PDCD6: variants seen among roughly 807,000 people sequenced by gnomAD.
PDCD6 encodes the protein programmed cell death protein 6.
Under a neutral mutation model 28.3 loss-of-function variants are expected in PDCD6, and 12 were observed. The ratio of observed to expected loss-of-function variants is 0.42; its 90% CI spans 0.27 to 0.69. The LOEUF is 0.69. PDCD6 is among the 30% of genes least tolerant of loss of function. The pLI, the probability that PDCD6 is intolerant of heterozygous loss-of-function variation, is 0.22. For synonymous variants in PDCD6, 92 were observed against 108.0 expected, an observed-to-expected ratio of 0.85 and a Z score of 0.92; for missense variants, 226 against 269.9, an observed-to-expected ratio of 0.84 and a Z score of 1.14.
rs1380190290 is a variant in PDCD6 at position 276,397 on chromosome 5, A to G, written c.163+3625A>G. ...GAAGGAAGGTTCATAGTTGTGTTGTATGTACAGGCACACAAAATTTGTCCT... is the reference window on the plus strand; with the variant it reads ...GAAGGAAGGTTCATAGTTGTGTTGTGTGTACAGGCACACAAAATTTGTCCT... On this transcript the variant is annotated intron_variant, in intron 2 of 5. Transcript: ENST00000264933. The G allele has an allele frequency of 2.3e-5, 23 of 998,034 alleles. No individual in the cohort carries two copies. In the South Asian group the frequency reaches 6.8e-4, roughly 29 times the overall value. The allele number at this position is 998,034 out of a possible 1,614,324, so 61.8% of individuals were successfully genotyped here. A position where few individuals can be genotyped will look rare whatever the true frequency, so the allele number is the denominator to read the frequency against.
At chr5:310,536 A>C (rs1456921681) in intron 4 of PDCD6, 1 of 152,332 alleles carries the variant, frequency 6.6e-6, no homozygotes, top group Admixed American at 6.5e-5. Flanking sequence ...CGAGGGAGGG[A>C]AGGGAAGGCG....
intron 2 of PDCD6, among the ~76,000 whole-genome samples, chr5:296,375 C>G (rs190916321): frequency 9.9e-5 from 15 of 152,256 alleles, no homozygotes; most frequent in African/African-American, 3.6e-4. Context: ...GGGAGCTGTT[C>G]ACGCCCCACG....
chr5:271,647 G>A lies in PDCD6; in HGVS notation c.-74G>A. 2.4e-6 allele frequency: 2 copies of A among 849,912 alleles called. No homozygotes were observed. Among genetic ancestry groups the A allele is most frequent in the Non-Finnish European group, 3.8e-6 (2 of 524,656 alleles). 52.6% of individuals were successfully genotyped at this position (849,912 alleles called of 1,614,324 possible). On this transcript the variant is annotated 5_prime_UTR_variant, in exon 1 of 6. Coordinates refer to ENST00000264933, the MANE Select transcript of PDCD6 (RefSeq NM_013232.4). The stretch of plus-strand genomic sequence containing the variant: ...ATAATGCCAGGCCCTGCCCCCGGCA[G>A]AGGCGGAAGCGGAGTCGGCCTGAGA...
chr5:303,751 G>T (rs1278098787), intron 2 of PDCD6, among the ~76,000 whole-genome samples: 2 of 149,544 alleles, frequency 1.3e-5, no homozygotes, highest in Non-Finnish European at 2.9e-5. Flanking sequence ...TCTGCAGGCA[G>T]TGGTGGCCTT....
rs772839574 is a variant in PDCD6, at chr5:306,643, G to A, written c.250G>A (p.Glu84Lys). 3.1e-6 allele frequency: 5 copies of A among 1,613,824 alleles called. No homozygotes were observed. The highest frequency in any genetic ancestry group is 1.7e-5 in the Admixed American group (1 of 60,012). Reference protein sequence around the residue: ...RENKAGVNFSEFTGVWKYITD... With the variant: ...RENKAGVNFSKFTGVWKYITD... ...GAACAAGGCCGGCGTGAACTTCAGCGAGTTCACGGGTGTGTGGAAGTACAT... is the reference window on the plus strand; with the variant it reads ...GAACAAGGCCGGCGTGAACTTCAGCAAGTTCACGGGTGTGTGGAAGTACAT... Residue 84 changes from glutamate (E) to lysine (K), a missense_variant, in exon 4 of 6, where the codon GAG (glutamate) becomes AAG (lysine). Physicochemically the swap from Glu to Lys is moderately conservative, Grantham distance 56. Coordinates refer to ENST00000264933, the MANE Select transcript of PDCD6 (RefSeq NM_013232.4).
chr5:300,525 G>A (rs1456313492), intron 2 of PDCD6, among the ~76,000 whole-genome samples: 1 of 152,244 alleles, frequency 6.6e-6, no homozygotes, highest in African/African-American at 2.4e-5. Flanking sequence ...AGGGCTTCAG[G>A]GGAAGGCTTG....
intron 2 of PDCD6, among the ~76,000 whole-genome samples, chr5:277,788 G>A (rs1440751556): frequency 2.0e-5 from 3 of 151,590 alleles, no homozygotes; most frequent in African/African-American, 4.8e-5. Context: ...GGTGGTGCGC[G>A]CCTATAATCC....
At chr5:291,567 A>G (rs1739316060) in intron 2 of PDCD6, among the ~76,000 whole-genome samples, 1 of 143,098 alleles carries the variant, frequency 7.0e-6, no homozygotes, top group Non-Finnish European at 1.5e-5. Flanking sequence ...TCCCGTCTCC[A>G]TTCTCTCCCT....
chr5:290,385 TC>T (rs1739244020), intron 2 of PDCD6: 5 of 853,008 alleles, frequency 5.9e-6, no homozygotes, highest in South Asian at 1.5e-5. Context: ...CCGGAATGCC[TC>T]CCCCCACCCC....
chr5:302,091 T>TGTGTGTGTGTGC (rs1740101785), intron 2 of PDCD6, among the ~76,000 whole-genome samples: 1 of 131,630 alleles, frequency 7.6e-6, no homozygotes, highest in African/African-American at 2.9e-5. Flanking sequence ...TGTGTGTGTG[T>TGTGTGTGTGTGC]GTGTGTGTGT....
rs367597038 is a variant in PDCD6 at position 283,643 on chromosome 5, C to T, written c.163+10871C>T. Among the ~76,000 whole-genome samples, 8 of 151,350 alleles carry T rather than the reference C, an allele frequency of 5.3e-5. No individual in the cohort carries two copies. In the East Asian group the frequency reaches 5.9e-4, roughly 11 times the overall value. ...ATTGAGGGTCATGCAGCTGAAGACT[C>T]GGAGAGGAGCTGATGTTCTAGTTTG... is the stretch of plus-strand genomic sequence containing the variant. On this transcript the variant is annotated intron_variant, in intron 2 of 5. Transcript: ENST00000264933.
At chr5:281,600 G>A (rs977311466) in intron 2 of PDCD6, among the ~76,000 whole-genome samples, 1 of 152,174 alleles carries the variant, frequency 6.6e-6, no homozygotes, top group Non-Finnish European at 1.5e-5. Flanking sequence ...GGGTCGTAGA[G>A]CTGGAGACCA....
chr5:279,399 G>A (rs1738422886), intron 2 of PDCD6, among the ~76,000 whole-genome samples: 1 of 152,098 alleles, frequency 6.6e-6, no homozygotes, highest in African/African-American at 2.4e-5. Context: ...AGATATGCGT[G>A]CCCCAGGGAA....
At chr5:295,589 C>A (rs1354473963) in intron 2 of PDCD6, among the ~76,000 whole-genome samples, 1 of 147,248 alleles carries the variant, frequency 6.8e-6, no homozygotes, top group Non-Finnish European at 1.5e-5. Flanking sequence ...GGGCATGGGC[C>A]GGGTGGCCAT....
chr5:275,978 G>A, intron 2 of PDCD6: 1 of 1,285,896 alleles, frequency 7.8e-7, no homozygotes, highest in Non-Finnish European at 1.0e-6. Flanking sequence ...CTTTGCTTTG[G>A]GCTCTAAGCT....
At chr5:276,608 A>C in intron 2 of PDCD6, 4 of 981,544 alleles carry the variant, frequency 4.1e-6, no homozygotes, top group Non-Finnish European at 4.8e-6. Context: ...TTTGATTTCT[A>C]TAATAATTGT....
intron 2 of PDCD6, among the ~76,000 whole-genome samples, chr5:274,196 C>A (rs1187393713): frequency 1.3e-5 from 2 of 152,220 alleles, no homozygotes; most frequent in Non-Finnish European, 2.9e-5. Context: ...TCCTCAGAGG[C>A]CATGTTTCAG....
intron 2 of PDCD6, among the ~76,000 whole-genome samples, chr5:298,685 C>T (rs1425414113): frequency 9.1e-6 from 1 of 110,114 alleles, no homozygotes; most frequent in Non-Finnish European, 1.7e-5. Flanking sequence ...GCTGCTCCCA[C>T]TCAGCTGCTC....
At chr5:300,430 T>C (rs1274287642) in intron 2 of PDCD6, among the ~76,000 whole-genome samples, 2 of 152,214 alleles carry the variant, frequency 1.3e-5, no homozygotes, top group Non-Finnish European at 2.9e-5. Flanking sequence ...CCTTGGCTGG[T>C]TTACTCTGTA....
Sources: gnomAD v4.1 joint callset for allele counts (sites outside exome capture counted in the v4.1 genomes callset) on GRCh38, gnomAD v4.1.1 for gene constraint, MANE v1.5 for transcripts, NCBI Gene and HGNC (gene_info 2026-07-23, HGNC 2026-07-21) for gene names.